The following ADAMTS2 variants were observed in gnomAD, a reference collection of about 807,000 sequenced individuals.
The protein encoded by ADAMTS2 is ADAM metallopeptidase with thrombospondin type 1 motif 2, also known as A disintegrin and metalloproteinase with thrombospondin motifs 2.
In ADAMTS2, 50 loss-of-function variants were observed where a neutral mutation model predicts 123.0. The ratio of observed to expected loss-of-function variants is 0.41; its 90% CI spans 0.32 to 0.51. The LOEUF (loss-of-function observed/expected upper bound fraction) is 0.51. Among genes scored for constraint, ADAMTS2 ranks in the 20% least tolerant of loss-of-function variants. ADAMTS2 has a pLI of 0.35. For missense variants in ADAMTS2, 1,494 were observed against 1,705.2 expected (o/e 0.88, Z 2.18); for synonymous variants, 678 against 695.4 (o/e 0.98, Z 0.39).
At chr5:179,187,174 G>T (rs1362825319) in intron 4 of ADAMTS2, among the ~76,000 whole-genome samples, 1 of 152,060 alleles carries the variant, frequency 6.6e-6, no homozygotes, top group Admixed American at 6.5e-5. Context: ...TATCTCAGGA[G>T]CATTTGAAAA....
intron 3 of ADAMTS2, among the ~76,000 whole-genome samples, chr5:179,268,701 G>A (rs1424500601): frequency 2.0e-5 from 3 of 152,212 alleles, no homozygotes; most frequent in Non-Finnish European, 2.9e-5. Context: ...GCTCCCACAC[G>A]ACAGGGTGGA....
chr5:179,124,824 C>T (rs1762822778), intron 19 of ADAMTS2, 149 bp downstream of exon 19: 9 of 1,598,622 alleles, frequency 5.6e-6, no homozygotes, highest in Non-Finnish European at 6.8e-6. Flanking sequence ...GGCCCGGCGG[C>T]TCTCAGGCCG....
At chr5:179,267,678 G>A (rs993830603) in intron 3 of ADAMTS2, among the ~76,000 whole-genome samples, 15 of 152,228 alleles carry the variant, frequency 9.9e-5, no homozygotes, top group African/African-American at 2.4e-4. Context: ...ATGGGGGACC[G>A]TGTTTTGTTT....
intron 3 of ADAMTS2, among the ~76,000 whole-genome samples, chr5:179,223,294 A>T: frequency 6.6e-6 from 1 of 150,604 alleles, no homozygotes. Flanking sequence ...ACACACACAC[A>T]CGAACGCACT....
chr5:179,180,202 C>T lies in ADAMTS2; in HGVS notation c.975+870G>A, dbSNP rs1304311632. Among the ~76,000 whole-genome samples, 10 of 152,194 alleles carry T rather than the reference C, an allele frequency of 6.6e-5. No homozygotes were observed. Among genetic ancestry groups the T allele is most frequent in the East Asian group, 5.8e-4 (3 of 5,180 alleles). ...TCTACACGGGCCGTACCGTGGGGCT[C>T]CTCTCTTCCTCTGTCTGCACAGCAT... is the stretch of plus-strand genomic sequence containing the variant. On this transcript the variant is annotated intron_variant, in intron 5 of 21. Coordinates refer to ENST00000251582, the MANE Select transcript of ADAMTS2 (RefSeq NM_014244.5). This position sits in a 1 kb window ranked among gnomAD's most constrained non-coding sequence, Gnocchi z 4.6.
intron 3 of ADAMTS2, among the ~76,000 whole-genome samples, chr5:179,217,856 T>C: frequency 2.2e-5 from 1 of 44,768 alleles, no homozygotes; most frequent in African/African-American, 1.3e-4. Context: ...ACTCACTAGG[T>C]AGGGGATGGC....
At chr5:179,254,138 A>T (rs952127384) in intron 3 of ADAMTS2, among the ~76,000 whole-genome samples, 2 of 152,218 alleles carry the variant, frequency 1.3e-5, no homozygotes, top group Non-Finnish European at 2.9e-5. Context: ...CCTGTCTCAC[A>T]GTCCCGAGCT....
At chr5:179,340,759 A>G (rs1178339924) in intron 2 of ADAMTS2, among the ~76,000 whole-genome samples, 1 of 152,194 alleles carries the variant, frequency 6.6e-6, no homozygotes. Flanking sequence ...AGCCTGGCAC[A>G]CAATGTTAAT....
rs149980005 is a variant in ADAMTS2, at chr5:179,301,353, A to C, written c.535-28289T>G. Among the ~76,000 whole-genome samples the C allele has an allele frequency of 6.1e-3, 923 of 152,322 alleles. 1 individual carries two copies. Among genetic ancestry groups the C allele is most frequent in the Non-Finnish European group, 7.8e-3 (534 of 68,032 alleles). ...TCCGTGTCTAAAATGGCACAATATT[A>C]CCTACTTTACAGAGTTGTCAAGGGA... On this transcript the variant is annotated intron_variant, in intron 2 of 21. Transcript: ENST00000251582.
chr5:179,219,428 T>C (rs574086154), intron 3 of ADAMTS2, among the ~76,000 whole-genome samples: 1 of 152,348 alleles, frequency 6.6e-6, no homozygotes, highest in African/African-American at 2.4e-5. Context: ...AGAGACACCA[T>C]GGTTTGGCTT....
Position 179,240,832 on chromosome 5 carries a change from G to A in ADAMTS2, c.688+32079C>T, listed in dbSNP as rs180716884. On this transcript the variant is annotated intron_variant, in intron 3 of 21. Transcript: ENST00000251582. ...ACACACTGCTGCGGAAACCATAAAC[G>A]TCACCAGATTCAGAGCTTGAGCCCA... is the stretch of plus-strand genomic sequence containing the variant. Among the ~76,000 whole-genome samples, 419 of 152,300 alleles carry A rather than the reference G, an allele frequency of 2.8e-3. 2 individuals carry two copies. Among genetic ancestry groups the A allele is most frequent in the African/African-American group, 9.5e-3 (393 of 41,554 alleles).
intron 2 of ADAMTS2, among the ~76,000 whole-genome samples, chr5:179,275,226 G>A (rs1766662738): frequency 6.6e-6 from 1 of 152,162 alleles, no homozygotes; most frequent in South Asian, 2.1e-4. Context: ...GGGTCCTGGG[G>A]AGAAGGTGTT....
rs200457965 is a variant in ADAMTS2, at chr5:179,252,009, C to CTTTT, written c.688+20898_688+20901dup. Among the ~76,000 whole-genome samples, 600 of 135,742 alleles carry CTTTT rather than the reference C, an allele frequency of 4.4e-3. 9 individuals are homozygous for CTTTT. Among genetic ancestry groups the CTTTT allele is most frequent in the African/African-American group, 0.015 (565 of 36,680 alleles). 89.1% of individuals were successfully genotyped at this position (135,742 alleles called of 152,430 possible). On this transcript the variant is annotated intron_variant, in intron 3 of 21. Transcript: ENST00000251582. Reference sequence around the variant, plus strand: ...ACTGATTTTTTTTTCTTTTTCTTTTCTTTTTTTTTTTTTTTTGAGATAGGG... The same window carrying CTTTT: ...ACTGATTTTTTTTTCTTTTTCTTTTCTTTTTTTTTTTTTTTTTTTTGAGATAGGG...
At chr5:179,292,303 C>T (rs893849089) in intron 2 of ADAMTS2, among the ~76,000 whole-genome samples, 3 of 149,768 alleles carry the variant, frequency 2.0e-5, no homozygotes, top group Admixed American at 1.4e-4. Flanking sequence ...TTCCAAAGAG[C>T]CACACATTGT....
At position 179,114,163 on chromosome 5, in the gene ADAMTS2, T is replaced by C. The variant is rs1762620955; in HGVS notation, c.3340A>G (p.Asn1114Asp). ...GTAGGCATGAACACGTCAATGTCGTTGTGCTTCCCAGGCGGTGGCTCTATC... is the reference window on the plus strand; with the variant it reads ...GTAGGCATGAACACGTCAATGTCGTCGTGCTTCCCAGGCGGTGGCTCTATC... ...GRIEPPPGKHNDIDVFMPTLP... is the reference protein window; with the variant it reads ...GRIEPPPGKHDDIDVFMPTLP... Residue 1114 changes from asparagine to aspartate, a missense_variant, in exon 22 of 22, where the codon AAC becomes GAC. By Grantham distance (23) the Asn-to-Asp change is conservative. Coordinates refer to ENST00000251582, the MANE Select transcript of ADAMTS2 (RefSeq NM_014244.5). 1.2e-6 allele frequency: 2 copies of C among 1,612,494 alleles called. No individual in the cohort carries two copies. The highest frequency in any genetic ancestry group is 1.3e-5 in the African/African-American group (1 of 74,874).
intron 2 of ADAMTS2, among the ~76,000 whole-genome samples, chr5:179,318,149 C>G (rs887091336): frequency 6.6e-6 from 1 of 152,212 alleles, no homozygotes. Context: ...ATCCAAGGCT[C>G]CAGCCACTCT....
intron 2 of ADAMTS2, among the ~76,000 whole-genome samples, chr5:179,292,585 A>G (rs1224258622): frequency 1.3e-5 from 2 of 150,910 alleles, no homozygotes; most frequent in East Asian, 4.0e-4. Flanking sequence ...CTATATAGAC[A>G]GGAGTCCTGC....
At chr5:179,292,132 T>C (rs1756206561) in intron 2 of ADAMTS2, among the ~76,000 whole-genome samples, 1 of 151,962 alleles carries the variant, frequency 6.6e-6, no homozygotes, top group Non-Finnish European at 1.5e-5. Flanking sequence ...GTGGTCATCA[T>C]TAATGAAGCA....
At chr5:179,172,282 G>A (rs1763837659) in intron 5 of ADAMTS2, among the ~76,000 whole-genome samples, 1 of 152,228 alleles carries the variant, frequency 6.6e-6, no homozygotes, top group South Asian at 2.1e-4. Flanking sequence ...GGAAGAGCAG[G>A]CTGCACCTGA....
Sources: allele counts gnomAD v4.1 joint callset (sites outside exome capture counted in the v4.1 genomes callset), GRCh38; gene constraint gnomAD v4.1.1; non-coding constraint Gnocchi (gnomAD v3.1); transcripts MANE v1.5; gene names NCBI Gene and HGNC (gene_info 2026-07-23, HGNC 2026-07-21).